The following DNAH11 variants were observed in gnomAD, a reference collection of about 807,000 sequenced individuals.
DNAH11 encodes dynein axonemal heavy chain 11.
A neutral mutation model predicts 526.0 loss-of-function variants in DNAH11; 442 were observed. The observed-to-expected ratio is 0.84, with a 90% CI of 0.78 to 0.91. The LOEUF (loss-of-function observed/expected upper bound fraction) is 0.91. Among genes scored for constraint, DNAH11 ranks in the 40% least tolerant of loss-of-function variants. The probability of loss-of-function intolerance (pLI) is 0.00; values close to 1 mark genes in which losing one functional copy is unlikely to be tolerated. For missense variants in DNAH11, 6,989 were observed against 5,448.7 expected (o/e 1.28, Z -8.90); for synonymous variants, 2,461 against 1,935.9 (o/e 1.27, Z -7.12).
chr7:21,638,439 G>T (rs948305252), intron 27 of DNAH11, among the ~76,000 whole-genome samples: 1 of 152,088 alleles, frequency 6.6e-6, no homozygotes, highest in African/African-American at 2.4e-5. Flanking sequence ...CTCTGCTAAG[G>T]GCAATAAAGT....
At chr7:21,629,459 G>A (rs796931610) in intron 25 of DNAH11, among the ~76,000 whole-genome samples, 62 of 152,148 alleles carry the variant, frequency 4.1e-4, no homozygotes, top group African/African-American at 1.4e-3. Flanking sequence ...TTTCTTTGTT[G>A]ATTTTTGAAA....
At chr7:21,735,588 A>ACGCGCTCTCT (rs1256732798) in intron 45 of DNAH11, 52 bp from the exon 46 acceptor site, 28 of 1,511,740 alleles carry the variant, frequency 1.9e-5, no homozygotes, top group Non-Finnish European at 2.4e-5. Context: ...TCTCTCTCGC[A>ACGCGCTCTCT]CGCACTCTCT....
intron 10 of DNAH11, 101 bp downstream of exon 10, chr7:21,588,302 G>T (rs1355268475): frequency 1.4e-6 from 2 of 1,407,896 alleles, no homozygotes; most frequent in Non-Finnish European, 1.9e-6. Context: ...TTAGATATAG[G>T]CACTACATTT....
intron 66 of DNAH11, among the ~76,000 whole-genome samples, chr7:21,847,644 T>C (rs1782467053): frequency 6.6e-6 from 1 of 152,202 alleles, no homozygotes; most frequent in Non-Finnish European, 1.5e-5. Context: ...TATTCTTCTG[T>C]AAGTGGATGA....
At chr7:21,843,341 G>C (rs1299181199) in intron 66 of DNAH11, among the ~76,000 whole-genome samples, 1 of 152,128 alleles carries the variant, frequency 6.6e-6, no homozygotes, top group Non-Finnish European at 1.5e-5. Flanking sequence ...TGGCAAGAAG[G>C]GGTGAGGAAG....
At chr7:21,642,782 C>G (rs1332244849) in intron 28 of DNAH11, among the ~76,000 whole-genome samples, 2 of 152,004 alleles carry the variant, frequency 1.3e-5, no homozygotes, top group African/African-American at 4.8e-5. Flanking sequence ...GGAATGTGAT[C>G]AGCTTGAATA....
At chr7:21,692,598 G>C (rs1272346614) in intron 35 of DNAH11, among the ~76,000 whole-genome samples, 1 of 152,176 alleles carries the variant, frequency 6.6e-6, no homozygotes, top group Non-Finnish European at 1.5e-5. Context: ...GCTGTTTCCA[G>C]GTTGGGGCTA....
At chr7:21,600,267 C>A in intron 15 of DNAH11, 148 bp downstream of exon 15, 1 of 671,346 alleles carries the variant, frequency 1.5e-6, no homozygotes, top group Non-Finnish European at 2.3e-6. Flanking sequence ...CAAGACCAGC[C>A]TAAGCAGCAT....
chr7:21,826,683 A>T (rs1790313711), intron 65 of DNAH11, among the ~76,000 whole-genome samples: 1 of 152,066 alleles, frequency 6.6e-6, no homozygotes, highest in Non-Finnish European at 1.5e-5. Context: ...AAGAGATAGC[A>T]TTGAAAAGAG....
intron 79 of DNAH11, among the ~76,000 whole-genome samples, chr7:21,896,945 T>C (rs1387131909): frequency 1.3e-5 from 2 of 152,156 alleles, no homozygotes; most frequent in East Asian, 1.9e-4. Flanking sequence ...TGTGGTGGCA[T>C]GCGACTGTAG....
chr7:21,750,356 C>A lies in DNAH11; in HGVS notation c.8932C>A (p.Gln2978Lys). The A allele has an allele frequency of 1.9e-6, 3 of 1,602,584 alleles. No individual in the cohort carries two copies. The South Asian group carries it at 3.4e-5, about 18-fold the overall frequency. ...ATTCTTTATGGCCAGGGTGCGACTA[C>A]AGCTCAAAGTAAGAAATACTTGCTT... ...WKFFMARVRL[Q>K]LKIILCFSPV... Residue 2978 changes from glutamine to lysine, a missense_variant, in exon 54 of 82, where the codon CAG (glutamine) becomes AAG (lysine). Gln to Lys is a moderately conservative substitution (Grantham distance 53). Transcript: ENST00000409508.
intron 30 of DNAH11, among the ~76,000 whole-genome samples, chr7:21,659,335 AT>A (rs1782151848): frequency 6.7e-6 from 1 of 150,360 alleles, no homozygotes; most frequent in African/African-American, 2.5e-5. Context: ...CAGATCATGT[AT>A]TTATTAGAAA....
rs769425859 is a variant in DNAH11 at position 21,582,027 on chromosome 7, T to C, written c.1710+6T>C. The C allele has an allele frequency of 2.5e-6, 4 of 1,576,292 alleles. No individual in the cohort carries two copies. The highest frequency in any genetic ancestry group is 2.7e-5 in the African/African-American group (2 of 74,084). ...GCTTAGAAGCTGCATTTAAGGTTAG[T>C]TCTGAAGAAGCTATCATAAAAAACG... is the stretch of plus-strand genomic sequence containing the variant. On this transcript the variant is annotated splice_donor_region_variant and intron_variant, in intron 9 of 81. Coordinates refer to ENST00000409508, the MANE Select transcript of DNAH11 (RefSeq NM_001277115.2).
At position 21,656,034 on chromosome 7, in the gene DNAH11, C is replaced by G. The variant is rs755365471; in HGVS notation, c.5094+53C>G. ...GCTAGGGGAGTATTTTCAGCATGCT[C>G]TTAGAAGGTTGAGTTCAACAAGCAA... On this transcript the variant is annotated intron_variant, in intron 29 of 81. Transcript: ENST00000409508. The G allele has an allele frequency of 4.6e-5, 69 of 1,488,210 alleles. No individual in the cohort carries two copies. In the Middle Eastern group the frequency reaches 1.1e-3, roughly 23 times the overall value. The allele number at this position is 1,488,210 out of a possible 1,614,324, so 92.2% of individuals were successfully genotyped here. A position where few individuals can be genotyped will look rare whatever the true frequency, so the allele number is the denominator to read the frequency against.
At chr7:21,571,636 A>G (rs1452185016) in intron 7 of DNAH11, among the ~76,000 whole-genome samples, 170 bp from the exon 8 acceptor site, 4 of 152,316 alleles carry the variant, frequency 2.6e-5, no homozygotes, top group Non-Finnish European at 4.4e-5. Flanking sequence ...AAAATTAGCA[A>G]TGACTTTGTT....
chr7:21,744,789 T>C, intron 50 of DNAH11, 81 bp from the exon 51 acceptor site: 1 of 1,508,158 alleles, frequency 6.6e-7, no homozygotes, highest in Non-Finnish European at 8.9e-7. Flanking sequence ...TGCAAGCTTT[T>C]CCCTTGCTAG....
rs1785730075 is a variant in DNAH11, at chr7:21,615,517, C to T, written c.4011+245C>T. On this transcript the variant is annotated intron_variant, in intron 21 of 81. Coordinates refer to ENST00000409508, the MANE Select transcript of DNAH11 (RefSeq NM_001277115.2). ...GTTTAATAAGCTGACTGCCTCAAAT[C>T]CTTTGGGGAGATTGTAAAGAATATA... is the stretch of plus-strand genomic sequence containing the variant. Among the ~76,000 whole-genome samples, 9 of 151,090 alleles carry T rather than the reference C, an allele frequency of 6.0e-5. No homozygotes were observed. In the South Asian group the frequency reaches 1.5e-3, roughly 25 times the overall value.
In DNAH11 at chr7:21,591,202, CCTT is replaced by C. The variant is rs772159075; in HGVS notation, c.2296_2298del (p.Leu766del). Reference sequence around the variant, plus strand: ...TTGCTCAGTACATTGGAAATCTTGACCTTCTTGTGCAAGGGTATAATAAACTCA... The same window carrying C: ...TTGCTCAGTACATTGGAAATCTTGACCTTGTGCAAGGGTATAATAAACTCA... On this transcript the variant is annotated inframe_deletion, in exon 14 of 82. Transcript: ENST00000409508. 6.5e-7 allele frequency: 1 copy of C among 1,545,726 alleles called. No individual in the cohort carries two copies. Among genetic ancestry groups the C allele is most frequent in the African/African-American group, 1.4e-5 (1 of 72,220 alleles).
At position 21,750,285 on chromosome 7, in the gene DNAH11, A is replaced by G; in HGVS notation, c.8861A>G (p.Glu2954Gly). The change falls in exon 54 of 82, where the codon GAA becomes GGA. Residue 2954 changes from glutamate to glycine, a missense_variant. Physicochemically the swap from Glu to Gly is moderately conservative, Grantham distance 98. Transcript: ENST00000409508. ...VDKIISGIHN[E>G]VHALGMVDSR... ...AAGATAATTTCTGGAATTCATAATG[A>G]AGTTCATGCTCTGGGCATGGTAGAC... is the stretch of plus-strand genomic sequence containing the variant. The G allele has an allele frequency of 6.2e-7, 1 of 1,604,812 alleles. No individual in the cohort carries two copies.
Sources: gnomAD v4.1 joint callset for allele counts (sites outside exome capture counted in the v4.1 genomes callset) on GRCh38, gnomAD v4.1.1 for gene constraint, MANE v1.5 for transcripts, NCBI Gene and HGNC (gene_info 2026-07-23, HGNC 2026-07-21) for gene names.